Variants in SPATA20 observed in about 807,000 individuals in gnomAD.
SPATA20 encodes spermatogenesis associated 20.
A neutral mutation model predicts 98.9 loss-of-function variants in SPATA20; 74 were observed. The observed-to-expected ratio is 0.75, with a 90% CI of 0.62 to 0.91. SPATA20 has a LOEUF of 0.91. SPATA20 is among the 40% of genes least tolerant of loss of function. The pLI, the probability that SPATA20 is intolerant of heterozygous loss-of-function variation, is 0.00. For missense variants in SPATA20, 1,016 were observed against 1,069.8 expected, an observed-to-expected ratio of 0.95 and a Z score of 0.70; for synonymous variants, 430 against 440.5, an observed-to-expected ratio of 0.98 and a Z score of 0.30.
Position 50,555,539 on chromosome 17 carries a change from G to C in SPATA20, c.2286G>C (p.Gln762His). ...ACCCCTCGAGCTTCCTGTCCCGCCA[G>C]CTGCCTTTCCTGAGTACCCTCCGAC... ...DGDPSSFLSR[Q>H]LPFLSTLRRL... Residue 762 changes from glutamine to histidine, a missense_variant, in exon 17 of 17, where the codon CAG becomes CAC. Coordinates refer to ENST00000006658, the MANE Select transcript of SPATA20 (RefSeq NM_022827.4). 6.2e-7 allele frequency: 1 copy of C among 1,614,024 alleles called. No homozygotes were observed. The highest frequency in any genetic ancestry group is 8.5e-7 in the Non-Finnish European group (1 of 1,179,988).
Position 50,550,116 on chromosome 17 carries a change from G to A in SPATA20, c.993+1G>A. On this transcript the variant is annotated splice_donor_variant, in intron 8 of 16. Transcript: ENST00000006658. LOFTEE classifies it high-confidence loss of function. Reference sequence around the variant, plus strand: ...GGGCATCCGGGACCATGTGGGGCAGGTGACGGGCACTGGGTGTTCCCTGGA... The same window carrying A: ...GGGCATCCGGGACCATGTGGGGCAGATGACGGGCACTGGGTGTTCCCTGGA... The A allele has an allele frequency of 6.2e-7, 1 of 1,613,028 alleles. No homozygotes were observed. The highest frequency in any genetic ancestry group is 1.3e-5 in the African/African-American group (1 of 75,044).
chr17:50,549,003 C>CTCA, intron 5 of SPATA20, 39 bp downstream of exon 5: 1 of 1,613,980 alleles, frequency 6.2e-7, no homozygotes, highest in Non-Finnish European at 8.5e-7. Context: ...GCCACATGGG[C>CTCA]TCAGAGCAGC....
Position 50,552,046 on chromosome 17 carries a change from A to T in SPATA20, c.1823A>T (p.Gln608Leu), listed in dbSNP as rs372108450. 1.2e-5 allele frequency: 19 copies of T among 1,613,780 alleles called. No individual in the cohort carries two copies. The African/African-American group carries it at 2.3e-4, about 19-fold the overall frequency. Reference sequence around the variant, plus strand: ...CTGCTGGACCTGTATGAGGCCTCACAGGAGAGTGCGTGGCTCGAGTGGGCT... The same window carrying T: ...CTGCTGGACCTGTATGAGGCCTCACTGGAGAGTGCGTGGCTCGAGTGGGCT... ...RGLLDLYEAS[Q>L]ESAWLEWALR... is the part of the protein sequence containing the mutation. The change falls in exon 14 of 17, where the codon CAG becomes CTG. Residue 608 changes from glutamine to leucine, a missense_variant. Transcript: ENST00000006658.
intron 1 of SPATA20, 89 bp from the exon 2 acceptor site, chr17:50,547,631 T>G (rs771861700): frequency 1.3e-6 from 1 of 772,172 alleles, no homozygotes. Context: ...CCTGTCACAG[T>G]CCTTTATTGC....
chr17:50,548,072 C>A (rs924731853), intron 2 of SPATA20: 2 of 1,501,462 alleles, frequency 1.3e-6, no homozygotes, highest in African/African-American at 2.8e-5. Flanking sequence ...ACTAACCTGG[C>A]AAGGAGCCCC....
Position 50,550,057 on chromosome 17 carries a change from TG to T in SPATA20, c.937del (p.Ala313ProfsTer5). 6.2e-7 allele frequency: 1 copy of T among 1,606,542 alleles called. No homozygotes were observed. Among genetic ancestry groups the T allele is most frequent in the Non-Finnish European group, 8.5e-7 (1 of 1,174,482 alleles). On this transcript the variant is annotated frameshift_variant, in exon 8 of 17. Coordinates refer to ENST00000006658, the MANE Select transcript of SPATA20 (RefSeq NM_022827.4). LOFTEE classifies it high-confidence loss of function. ...LTQDGSRAQQ[M>X]ALHTLKMMAN... ...CAGGATGGCTCTCGGGCCCAGCAGA[TG>T]GCCTTGCATACCCTGAAAATGATGG...
chr17:50,550,798 A>G lies in SPATA20; in HGVS notation c.1264A>G (p.Lys422Glu), dbSNP rs1296758813. 14 of 1,612,978 alleles carry G rather than the reference A, an allele frequency of 8.7e-6. No homozygotes were observed. Among genetic ancestry groups the G allele is most frequent in the East Asian group, 2.2e-5 (1 of 44,904 alleles). Reference protein sequence around the residue: ...KEGAYYVWTVKEVQQLLPEPV... With the variant: ...KEGAYYVWTVEEVQQLLPEPV... Reference sequence around the variant, plus strand: ...GGGCGCCTACTATGTGTGGACGGTCAAAGAGGTTCAGCAGCTCCTCCCGGA... The same window carrying G: ...GGGCGCCTACTATGTGTGGACGGTCGAAGAGGTTCAGCAGCTCCTCCCGGA... Residue 422 changes from lysine (K) to glutamate (E), a missense_variant, in exon 11 of 17, where the codon AAA (lysine) becomes GAA (glutamate). Lys to Glu is a moderately conservative substitution (Grantham distance 56). Coordinates refer to ENST00000006658, the MANE Select transcript of SPATA20 (RefSeq NM_022827.4).
At chr17:50,553,800 G>C (rs575791206) in intron 14 of SPATA20, among the ~76,000 whole-genome samples, 1 of 152,164 alleles carries the variant, frequency 6.6e-6, no homozygotes, top group Admixed American at 6.5e-5. Flanking sequence ...GCCATTACTC[G>C]TGTTCAGTCC....
In SPATA20 at chr17:50,550,047, G is replaced by T. The variant is rs758258250; in HGVS notation, c.925G>T (p.Ala309Ser). The change falls in exon 8 of 17, where the codon GCC becomes TCC. Residue 309 changes from alanine (A) to serine (S), a missense_variant. Ala to Ser is a moderately conservative substitution (Grantham distance 99). Coordinates refer to ENST00000006658, the MANE Select transcript of SPATA20 (RefSeq NM_022827.4). ...TCGACTGACTCAGGATGGCTCTCGG[G>T]CCCAGCAGATGGCCTTGCATACCCT... ...SHRLTQDGSRAQQMALHTLKM... is the reference protein window; with the variant it reads ...SHRLTQDGSRSQQMALHTLKM... 42 of 1,603,330 alleles carry T rather than the reference G, an allele frequency of 2.6e-5. No individual in the cohort carries two copies. The East Asian group carries it at 8.7e-4, about 33-fold the overall frequency.
At chr17:50,555,097 C>G in intron 15 of SPATA20, 135 bp from the exon 16 acceptor site, 1 of 668,796 alleles carries the variant, frequency 1.5e-6, no homozygotes, top group East Asian at 2.7e-5. Context: ...TTAACTCATC[C>G]TGGCAGCTGA....
intron 7 of SPATA20, 54 bp from the exon 8 acceptor site, chr17:50,549,931 T>C: frequency 6.6e-7 from 1 of 1,516,038 alleles, no homozygotes; most frequent in Non-Finnish European, 8.8e-7. Flanking sequence ...ACCACCCCGA[T>C]CTCTGTCCCC....
chr17:50,548,098 C>T (rs555121345), intron 2 of SPATA20, 185 bp from the exon 3 acceptor site: 51 of 1,507,840 alleles, frequency 3.4e-5, no homozygotes, highest in Non-Finnish European at 3.7e-5. Context: ...AGCCACCTCT[C>T]CTCACCCCCC....
intron 12 of SPATA20, 24 bp from the exon 13 acceptor site, chr17:50,551,480 TCTTACCA>T: frequency 6.3e-7 from 1 of 1,581,424 alleles, no homozygotes; most frequent in Non-Finnish European, 8.7e-7. Context: ...CTGGCCAGCT[TCTTACCA>T]CTACTTGTCT....
intron 16 of SPATA20, 86 bp from the exon 17 acceptor site, chr17:50,555,406 G>T: frequency 6.2e-7 from 1 of 1,601,526 alleles, no homozygotes; most frequent in Non-Finnish European, 8.6e-7. Context: ...AGAATGTTGG[G>T]AAGAGGGAAC....
At position 50,550,784 on chromosome 17, in the gene SPATA20, A is replaced by C. The variant is rs1002520366; in HGVS notation, c.1250A>C (p.Tyr417Ser). The C allele has an allele frequency of 3.7e-6, 6 of 1,613,042 alleles. No individual in the cohort carries two copies. Among genetic ancestry groups the C allele is most frequent in the Non-Finnish European group, 5.1e-6 (6 of 1,180,018 alleles). The change falls in exon 11 of 17, where the codon TAT (tyrosine) becomes TCT (serine). Residue 417 changes from tyrosine (Y) to serine (S), a missense_variant. Coordinates refer to ENST00000006658, the MANE Select transcript of SPATA20 (RefSeq NM_022827.4). ...CAGCGGCCCAAAGAGGGCGCCTACT[A>C]TGTGTGGACGGTCAAAGAGGTTCAG... ...RGQRPKEGAY[Y>S]VWTVKEVQQL...
Position 50,547,267 on chromosome 17 carries a change from G to A in SPATA20, c.59G>A (p.Gly20Asp). 2.2e-6 allele frequency: 3 copies of A among 1,385,532 alleles called. No individual in the cohort carries two copies. Among genetic ancestry groups the A allele is most frequent in the Non-Finnish European group, 2.8e-6 (3 of 1,078,340 alleles). The allele number at this position is 1,385,532 out of a possible 1,614,324, so 85.8% of individuals were successfully genotyped here. ...RVLLLPRAGA[G>D]LAASRRCPGV... ...CTTCTGCTGCCCCGCGCCGGTGCAG[G>A]CCTCGCCGCGAGCCGCAGGTACGGG... The change falls in exon 1 of 17, where the codon GGC (glycine) becomes GAC (aspartate). Residue 20 changes from glycine (G) to aspartate (D), a missense_variant. Gly to Asp is a moderately conservative substitution (Grantham distance 94). Transcript: ENST00000006658.
chr17:50,547,719 G>C lies in SPATA20; in HGVS notation c.78-1G>C, dbSNP rs779677646. The C allele has an allele frequency of 1.3e-6, 1 of 781,206 alleles. No homozygotes were observed. Among genetic ancestry groups the C allele is most frequent in the East Asian group, 2.4e-5 (1 of 41,254 alleles). 48.4% of individuals were successfully genotyped at this position (781,206 alleles called of 1,614,324 possible). ...ACTCCCTGAGGTCTCTGATTCCCTA[G>C]GTGTCCTGGAGTCTGGCCCAGGACC... On this transcript the variant is annotated splice_acceptor_variant, in intron 1 of 16. Transcript: ENST00000006658. LOFTEE classifies it high-confidence loss of function.
Position 50,551,653 on chromosome 17 carries a change from C to G in SPATA20, c.1719C>G (p.Thr573=). ...GCCGCCTGATGCGGACCTGCTACACCGGCCCTGGGGGGACTGTGGAGCACA... is the reference window on the plus strand; with the variant it reads ...GCCGCCTGATGCGGACCTGCTACACGGGCCCTGGGGGGACTGTGGAGCACA... ...ASGRLMRTCY[T]GPGGTVEHSN... The change falls in exon 13 of 17, where the codon ACC becomes ACG. Residue 573 remains threonine (T), a synonymous_variant. Transcript: ENST00000006658. 1 of 1,595,466 alleles carries G rather than the reference C, an allele frequency of 6.3e-7. No individual in the cohort carries two copies. Among genetic ancestry groups the G allele is most frequent in the South Asian group, 1.1e-5 (1 of 90,700 alleles).
In SPATA20 at chr17:50,547,304, G is replaced by A; in HGVS notation, c.77+19G>A. 7.2e-7 allele frequency: 1 copy of A among 1,380,454 alleles called. No homozygotes were observed. Among genetic ancestry groups the A allele is most frequent in the East Asian group, 2.8e-5 (1 of 35,674 alleles). The allele number at this position is 1,380,454 out of a possible 1,614,324, so 85.5% of individuals were successfully genotyped here. ...GCCGCAGGTACGGGCGGGCGAGCGG[G>A]CCCCTAGGGCACTCCCTGCGCCTGC... On this transcript the variant is annotated intron_variant, in intron 1 of 16. Transcript: ENST00000006658.
Sources: gnomAD v4.1 joint callset for allele counts (sites outside exome capture counted in the v4.1 genomes callset) on GRCh38, gnomAD v4.1.1 for gene constraint, MANE v1.5 for transcripts, NCBI Gene and HGNC (gene_info 2026-07-23, HGNC 2026-07-21) for gene names.